The following MIB1 variants were observed in gnomAD, a reference collection of about 807,000 sequenced individuals.
The protein encoded by MIB1 is MIB E3 ubiquitin protein ligase 1.
In MIB1, 278 loss-of-function variants were observed where a neutral mutation model predicts 124.5. That is an observed-to-expected ratio of 2.23 (90% confidence interval 2.02 to 2.47). The LOEUF is 2.47. Ranked by LOEUF, MIB1 falls within the 30% of genes most tolerant of loss-of-function variation. MIB1 has a pLI of 0.00. For synonymous variants in MIB1, 446 were observed against 429.4 expected, an observed-to-expected ratio of 1.04 and a Z score of -0.48; for missense variants, 957 against 1,254.4, an observed-to-expected ratio of 0.76 and a Z score of 3.58.
In MIB1 at chr18:21,844,907, G is replaced by A. The variant is rs117388218; in HGVS notation, c.2211+654G>A. 3.1e-4 allele frequency among the ~76,000 whole-genome samples: 47 copies of A among 152,094 alleles called. No individual in the cohort carries two copies. In the East Asian group the frequency reaches 7.5e-3, roughly 24 times the overall value. On this transcript the variant is annotated intron_variant, in intron 15 of 20. Coordinates refer to ENST00000261537, the MANE Select transcript of MIB1 (RefSeq NM_020774.4). ...TGTTCATTATTTTGTTAGGCTGTTT[G>A]TTTTCTTACTACTGAGTTTTGAGAG...
intron 4 of MIB1, among the ~76,000 whole-genome samples, chr18:21,775,480 C>T (rs1042622734): frequency 4.6e-5 from 7 of 152,166 alleles, no homozygotes; most frequent in African/African-American, 1.2e-4. Context: ...GAGTTCCAAG[C>T]GATCCCCCAC....
chr18:21,741,926 C>G lies in MIB1; in HGVS notation c.229+114C>G. On this transcript the variant is annotated intron_variant, in intron 1 of 20. Transcript: ENST00000261537. The surrounding 1 kb of genome is among the most constrained non-coding windows in gnomAD (Gnocchi z 5.4). ...AGTGGGACACCTGGTGGGCAGCGCC[C>G]GGCTGGAGCGAGCGGAAAGGCAAAG... is the stretch of plus-strand genomic sequence containing the variant. 2.2e-6 allele frequency: 2 copies of G among 914,782 alleles called. No homozygotes were observed. The highest frequency in any genetic ancestry group is 1.7e-5 in the African/African-American group (1 of 58,466). The allele number at this position is 914,782 out of a possible 1,614,324, so 56.7% of individuals were successfully genotyped here.
intron 9 of MIB1, 103 bp downstream of exon 9, chr18:21,800,077 TTTC>T (rs767097414): frequency 1.8e-5 from 15 of 843,272 alleles, no homozygotes; most frequent in South Asian, 1.3e-4. Context: ...GCTTCATTTA[TTTC>T]TTCTTTCTTG....
chr18:21,769,939 C>T (rs1004895361), intron 3 of MIB1, among the ~76,000 whole-genome samples: 2 of 152,208 alleles, frequency 1.3e-5, no homozygotes, highest in African/African-American at 4.8e-5. Flanking sequence ...CATGGTGGCT[C>T]ACGCCTGTAA....
chr18:21,779,441 G>A lies in MIB1; in HGVS notation c.704-40G>A, dbSNP rs529074943. ...TAATGCAGCTGCCTGTTGTTGTGAG[G>A]TTTTTTTCTCCCTTTATTCAATTGC... On this transcript the variant is annotated intron_variant, in intron 5 of 20. Coordinates refer to ENST00000261537, the MANE Select transcript of MIB1 (RefSeq NM_020774.4). The A allele has an allele frequency of 6.5e-6, 10 of 1,548,020 alleles. No individual in the cohort carries two copies. The South Asian group carries it at 1.1e-4, about 17-fold the overall frequency.
intron 1 of MIB1, among the ~76,000 whole-genome samples, chr18:21,709,213 G>A (rs538305827): frequency 6.6e-6 from 1 of 151,852 alleles, no homozygotes; most frequent in East Asian, 1.9e-4. Flanking sequence ...AGCTACTCAG[G>A]AGGCTGAGGC....
intron 20 of MIB1, among the ~76,000 whole-genome samples, chr18:21,859,027 T>G (rs1236518452): frequency 1.3e-5 from 2 of 152,166 alleles, no homozygotes; most frequent in African/African-American, 2.4e-5. Context: ...TAGAAACACT[T>G]CGGAAGACAG....
At chr18:21,730,812 C>G (rs1165669961) in intron 1 of MIB1, among the ~76,000 whole-genome samples, 3 of 152,196 alleles carry the variant, frequency 2.0e-5, no homozygotes, top group Non-Finnish European at 4.4e-5. Flanking sequence ...ATGTCACTCC[C>G]TCCTTCAAAC....
intron 12 of MIB1, among the ~76,000 whole-genome samples, chr18:21,838,099 C>T (rs546391731): frequency 7.6e-4 from 115 of 151,942 alleles, no homozygotes; most frequent in African/African-American, 2.7e-3. Flanking sequence ...GTGTGTCTAC[C>T]TCTCAAAATA....
chr18:21,753,145 C>T (rs1202080503), intron 1 of MIB1, among the ~76,000 whole-genome samples: 3 of 152,094 alleles, frequency 2.0e-5, no homozygotes, highest in Non-Finnish European at 4.4e-5. Flanking sequence ...ATTAAACCTT[C>T]AGAATGATAT....
At chr18:21,735,121 C>T (rs528713353) in intron 1 of MIB1, among the ~76,000 whole-genome samples, 5 of 152,270 alleles carry the variant, frequency 3.3e-5, no homozygotes, top group East Asian at 1.9e-4. Context: ...GAACAGCTCC[C>T]GTCTGCAGCT....
intron 16 of MIB1, among the ~76,000 whole-genome samples, chr18:21,848,564 C>T (rs779897074): frequency 6.6e-6 from 1 of 152,070 alleles, no homozygotes; most frequent in African/African-American, 2.4e-5. Context: ...TGTACGTGTT[C>T]GTGAGTTTCT....
In MIB1 at chr18:21,868,862, TC is replaced by T. The variant is rs2042338122; in HGVS notation, c.*4198del. On this transcript the variant is annotated 3_prime_UTR_variant, in exon 21 of 21. Coordinates refer to ENST00000261537, the MANE Select transcript of MIB1 (RefSeq NM_020774.4). ...TGCTTTACTACAGTGAGGGGGAATA[TC>T]CTTTAGATTGAGCCTCAATTTACTG... is the stretch of plus-strand genomic sequence containing the variant. 1 of 152,402 alleles carries T rather than the reference TC, an allele frequency of 6.6e-6. No individual in the cohort carries two copies. The highest frequency in any genetic ancestry group is 6.6e-5 in the Admixed American group (1 of 15,248). 9.4% of individuals were successfully genotyped at this position (152,402 alleles called of 1,614,324 possible). A position where few individuals can be genotyped will look rare whatever the true frequency, so the allele number is the denominator to read the frequency against.
At chr18:21,793,592 A>C (rs2041532697) in intron 7 of MIB1, among the ~76,000 whole-genome samples, 1 of 151,828 alleles carries the variant, frequency 6.6e-6, no homozygotes, top group African/African-American at 2.4e-5. Flanking sequence ...ACCAGCCTGA[A>C]CAACGTGGTG....
rs138840441 is a variant in MIB1, at chr18:21,705,775, C to A, written n.167+652C>A. Among the ~76,000 whole-genome samples, 8 of 152,340 alleles carry A rather than the reference C, an allele frequency of 5.3e-5. No homozygotes were observed. In the East Asian group the frequency reaches 1.5e-3, roughly 29 times the overall value. Reference sequence around the variant, plus strand: ...GTCATTGCAACTTGGTGGTTGGCTGCAGCACCCAAAATAATTCAATTACCT... The same window carrying A: ...GTCATTGCAACTTGGTGGTTGGCTGAAGCACCCAAAATAATTCAATTACCT... On this transcript the variant is annotated intron_variant and non_coding_transcript_variant, in intron 1 of 20. Transcript: ENST00000578646.
chr18:21,815,499 G>A, intron 10 of MIB1, 117 bp from the exon 11 acceptor site: 2 of 870,490 alleles, frequency 2.3e-6, no homozygotes, highest in Admixed American at 2.8e-5. Context: ...TAGTTATTTT[G>A]TTGTTTCCTA....
chr18:21,835,661 C>T (rs1438114149), intron 12 of MIB1, among the ~76,000 whole-genome samples: 1 of 151,568 alleles, frequency 6.6e-6, no homozygotes, highest in Non-Finnish European at 1.5e-5. Context: ...ATCCCAGCTA[C>T]TCGGGAGGCT....
chr18:21,794,420 G>A (rs8089567), intron 7 of MIB1, among the ~76,000 whole-genome samples: 227 of 150,722 alleles, frequency 1.5e-3, no homozygotes, highest in African/African-American at 5.3e-3. Context: ...GTATTTCAGA[G>A]AAAGAAGTAA....
upstream of MIB1, among the ~76,000 whole-genome samples, chr18:21,735,992 G>T (rs533364842): frequency 6.6e-6 from 1 of 152,364 alleles, no homozygotes; most frequent in South Asian, 2.1e-4. Flanking sequence ...TGTGAAGAGA[G>T]CAGTGGATCT....
Sources: gnomAD v4.1 joint callset for allele counts (sites outside exome capture counted in the v4.1 genomes callset) on GRCh38, gnomAD v4.1.1 for gene constraint, Gnocchi (gnomAD v3.1) non-coding constraint, MANE v1.5 for transcripts, NCBI Gene and HGNC (gene_info 2026-07-23, HGNC 2026-07-21) for gene names.